Variants in NDUFS1 observed in about 807,000 individuals in gnomAD.
The protein encoded by NDUFS1 is NADH:ubiquinone oxidoreductase core subunit S1.
Under a neutral mutation model 84.4 loss-of-function variants are expected in NDUFS1, and 61 were observed. The observed-to-expected ratio is 0.72, with a 90% confidence interval of 0.59 to 0.89. NDUFS1 has a LOEUF of 0.89. Among genes scored for constraint, NDUFS1 ranks in the 40% least tolerant of loss-of-function variants. The pLI, the probability that NDUFS1 is intolerant of heterozygous loss-of-function variation, is 0.00. For synonymous variants in NDUFS1, 275 were observed against 290.0 expected (o/e 0.95, Z 0.53); for missense variants, 891 against 890.0 (o/e 1.00, Z -0.01).
chr2:206,144,765 G>A (rs1429178645), intron 9 of NDUFS1, 127 bp downstream of exon 9: 50 of 924,744 alleles, frequency 5.4e-5, no homozygotes, highest in Non-Finnish European at 7.3e-5. Flanking sequence ...CATTATATAA[G>A]CAACTCAGAT....
chr2:206,138,220 A>G (rs1691794850), intron 13 of NDUFS1, among the ~76,000 whole-genome samples: 1 of 152,140 alleles, frequency 6.6e-6, no homozygotes, highest in Admixed American at 6.6e-5. Flanking sequence ...CCTCCCAAGT[A>G]GCTGATACTA....
chr2:206,150,614 G>A (rs1441377135), intron 3 of NDUFS1, among the ~76,000 whole-genome samples: 1 of 152,144 alleles, frequency 6.6e-6, no homozygotes, highest in Non-Finnish European at 1.5e-5. Context: ...CAGGATGCAG[G>A]TATAGTAGTG....
rs747088738 is a variant in NDUFS1, at chr2:206,133,103, G to C, written c.1395C>G (p.Val465=). ...CCATTGGTTTTTTAGCTTCCTTTAG[G>C]ACCTATTTAAAAAAAAAAACAACTT... The part of the protein sequence containing the change: ...IASGSHPFSQ[V]LKEAKKPMVV... The change falls in exon 14 of 19, where the codon GTC becomes GTG. Residue 465 remains valine (V), a splice_region_variant and synonymous_variant. Coordinates refer to ENST00000233190, the MANE Select transcript of NDUFS1 (RefSeq NM_005006.7). 3.1e-6 allele frequency: 5 copies of C among 1,596,626 alleles called. No individual in the cohort carries two copies. Among genetic ancestry groups the C allele is most frequent in the Non-Finnish European group, 4.3e-6 (5 of 1,172,392 alleles).
intron 12 of NDUFS1, among the ~76,000 whole-genome samples, chr2:206,141,170 C>T (rs1691931883): frequency 6.6e-6 from 1 of 152,078 alleles, no homozygotes; most frequent in African/African-American, 2.4e-5. Context: ...AATCCCAGTA[C>T]TTTGGGAGGC....
chr2:206,130,187 T>G lies in NDUFS1; in HGVS notation c.1609A>C (p.Ile537Leu), dbSNP rs1046033525. 6.2e-7 allele frequency: 1 copy of G among 1,614,064 alleles called. No individual in the cohort carries two copies. The highest frequency in any genetic ancestry group is 2.2e-5 in the East Asian group (1 of 44,886). The change falls in exon 15 of 19, where the codon ATT becomes CTT. Residue 537 changes from isoleucine to leucine, a missense_variant. By Grantham distance (5) the Ile-to-Leu change is conservative. Coordinates refer to ENST00000233190, the MANE Select transcript of NDUFS1 (RefSeq NM_005006.7). ...AGCACCTTGGGAGGGTTCTTCCGAA[T>G]TGCTTCCACCCCAGGCTTATAGCCA... ...DLGYKPGVEA[I>L]RKNPPKVLFL...
chr2:206,148,938 T>C, intron 5 of NDUFS1, 82 bp downstream of exon 5: 2 of 1,010,624 alleles, frequency 2.0e-6, no homozygotes, highest in Non-Finnish European at 3.1e-6. Flanking sequence ...ATTAAATTCT[T>C]AATCTATGGG....
Position 206,119,575 on chromosome 2 carries a change from G to A in NDUFS1, c.*4610C>T, listed in dbSNP as rs895433112. 2.0e-5 allele frequency: 3 copies of A among 151,928 alleles called. No homozygotes were observed. The highest frequency in any genetic ancestry group is 4.2e-4 in the South Asian group (2 of 4,812). 9.4% of individuals were successfully genotyped at this position (151,928 alleles called of 1,614,324 possible). A position where few individuals can be genotyped will look rare whatever the true frequency, so the allele number is the denominator to read the frequency against. ...ATTACAGGCATATGCCACCATGGCT[G>A]GCTAATTTTGTATTTTTAGTAGAGA... On this transcript the variant is annotated 3_prime_UTR_variant, in exon 19 of 19. Transcript: ENST00000233190.
At chr2:206,125,216 C>G (rs1275344044) in intron 18 of NDUFS1, among the ~76,000 whole-genome samples, 2 of 152,124 alleles carry the variant, frequency 1.3e-5, no homozygotes, top group East Asian at 3.9e-4. Context: ...AGTCCCAGCA[C>G]TTTGGGAGGC....
chr2:206,124,331 T>C (rs1276352649), intron 18 of NDUFS1, 55 bp from the exon 19 acceptor site: 2 of 1,329,864 alleles, frequency 1.5e-6, no homozygotes, highest in South Asian at 1.2e-5. Flanking sequence ...AAAAAGCACA[T>C]ACTAAAACTT....
Position 206,116,262 on chromosome 2 carries a change from T to G in NDUFS1, c.*7923A>C. On this transcript the variant is annotated 3_prime_UTR_variant, in exon 19 of 19. Coordinates refer to ENST00000233190, the MANE Select transcript of NDUFS1 (RefSeq NM_005006.7). ...CCTGGATTTTCTGCAAGAGCTTCAT[T>G]AATTTCGGTTACTTCTCCTGATAAA... 1 of 1,045,088 alleles carries G rather than the reference T, an allele frequency of 9.6e-7. No homozygotes were observed. Among genetic ancestry groups the G allele is most frequent in the South Asian group, 1.3e-5 (1 of 79,526 alleles). 64.7% of individuals were successfully genotyped at this position (1,045,088 alleles called of 1,614,324 possible). A position where few individuals can be genotyped will look rare whatever the true frequency, so the allele number is the denominator to read the frequency against.
At position 206,147,733 on chromosome 2, in the gene NDUFS1, G is replaced by T. The variant is rs764817567; in HGVS notation, c.420+20C>A. 6.2e-7 allele frequency: 1 copy of T among 1,613,674 alleles called. No homozygotes were observed. Among genetic ancestry groups the T allele is most frequent in the Non-Finnish European group, 8.5e-7 (1 of 1,179,680 alleles). On this transcript the variant is annotated intron_variant, in intron 6 of 18. Transcript: ENST00000233190. ...AAAATCTGAGACAACCAAAAAGATT[G>T]ACAGAATTCTACTACATACCTGCAG...
intron 13 of NDUFS1, among the ~76,000 whole-genome samples, chr2:206,133,732 CTT>C (rs1021865705): frequency 2.0e-5 from 3 of 152,214 alleles, no homozygotes; most frequent in African/African-American, 7.2e-5. Context: ...AATCCCAACA[CTT>C]TGGGAGGCTG....
chr2:206,147,940 T>C, intron 5 of NDUFS1, 106 bp from the exon 6 acceptor site: 1 of 1,020,244 alleles, frequency 9.8e-7, no homozygotes, highest in Admixed American at 1.8e-5. Context: ...TTTTTTGAGA[T>C]GGTGTCTCGC....
At chr2:206,144,761 A>G (rs1389483393) in intron 9 of NDUFS1, 131 bp downstream of exon 9, 1 of 894,042 alleles carries the variant, frequency 1.1e-6, no homozygotes, top group African/African-American at 1.7e-5. Flanking sequence ...ATCACATTAT[A>G]TAAGCAACTC....
In NDUFS1 at chr2:206,127,527, T is replaced by C. The variant is rs1030358369; in HGVS notation, c.1884+270A>G. 1.8e-4 allele frequency: 61 copies of C among 345,888 alleles called. 1 individual carries two copies. Among genetic ancestry groups the C allele is most frequent in the African/African-American group, 1.2e-3 (59 of 47,734 alleles). 21.4% of individuals were successfully genotyped at this position (345,888 alleles called of 1,614,324 possible). On this transcript the variant is annotated intron_variant, in intron 16 of 18. Coordinates refer to ENST00000233190, the MANE Select transcript of NDUFS1 (RefSeq NM_005006.7). ...AGAAAAACTCTGTCTCAAAAATAAA[T>C]AAAATAAAATAAAAGCACCAATTTC... is the stretch of plus-strand genomic sequence containing the variant.
At chr2:206,152,646 C>T in intron 2 of NDUFS1, 136 bp from the exon 3 acceptor site, 1 of 693,314 alleles carries the variant, frequency 1.4e-6, no homozygotes, top group East Asian at 3.0e-5. Context: ...TGGATGCAAA[C>T]TTATGGTTGT....
intron 1 of NDUFS1, among the ~76,000 whole-genome samples, chr2:206,157,919 C>T (rs2105778827): frequency 6.6e-6 from 1 of 152,132 alleles, no homozygotes; most frequent in Admixed American, 6.5e-5. Flanking sequence ...AGGTACCACC[C>T]TATCCCAATC....
rs1691316109 is a variant in NDUFS1 at position 206,126,906 on chromosome 2, T to C, written c.1885-62A>G. On this transcript the variant is annotated intron_variant, in intron 16 of 18. Transcript: ENST00000233190. ...TTTAATACTTAAAAATATCAAATAATAGATAATTGTAACTATGGTGAAATA... is the reference window on the plus strand; with the variant it reads ...TTTAATACTTAAAAATATCAAATAACAGATAATTGTAACTATGGTGAAATA... The C allele has an allele frequency of 7.6e-6, 12 of 1,582,520 alleles. 1 individual carries two copies. Among genetic ancestry groups the C allele is most frequent in the Non-Finnish European group, 1.0e-5 (12 of 1,156,606 alleles).
Position 206,149,932 on chromosome 2 carries a change from G to GAA in NDUFS1, c.154-8_154-7insTT, listed in dbSNP as rs1692304227. ...TGCCAACCTTCTCACAAGCCTAGAAGTAAAAAAAAAAAAAAAAAAAAAAAA... is the reference window on the plus strand; with the variant it reads ...TGCCAACCTTCTCACAAGCCTAGAAGAATAAAAAAAAAAAAAAAAAAAAAAAA... On this transcript the variant is annotated splice_polypyrimidine_tract_variant and splice_region_variant and intron_variant, in intron 3 of 18. Coordinates refer to ENST00000233190, the MANE Select transcript of NDUFS1 (RefSeq NM_005006.7). The GAA allele has an allele frequency of 7.9e-6, 2 of 254,292 alleles. No individual in the cohort carries two copies. The highest frequency in any genetic ancestry group is 7.2e-5 in the Admixed American group (1 of 13,926). 15.8% of individuals were successfully genotyped at this position (254,292 alleles called of 1,614,324 possible).
Sources: allele counts gnomAD v4.1 joint callset (sites outside exome capture counted in the v4.1 genomes callset), GRCh38; gene constraint gnomAD v4.1.1; transcripts MANE v1.5; gene names NCBI Gene and HGNC (gene_info 2026-07-23, HGNC 2026-07-21).